LYPD1: variants seen among roughly 807,000 people sequenced by gnomAD.
LYPD1 encodes ly6/PLAUR domain-containing protein 1.
Under a neutral mutation model 14.2 loss-of-function variants are expected in LYPD1, and 14 were observed. The ratio of observed to expected loss-of-function variants is 0.99; its 90% confidence interval spans 0.65 to 1.54. The LOEUF (loss-of-function observed/expected upper bound fraction) is 1.54, where lower values mean the gene tolerates loss of function less well. LYPD1 is among the 40% of genes most tolerant of loss of function. The pLI, the probability that LYPD1 is intolerant of heterozygous loss-of-function variation, is 0.00. For synonymous variants in LYPD1, 85 were observed against 70.6 expected, an observed-to-expected ratio of 1.20 and a Z score of -1.02; for missense variants, 165 against 175.7, an observed-to-expected ratio of 0.94 and a Z score of 0.34.
intron 2 of LYPD1, among the ~76,000 whole-genome samples, chr2:132,647,001 G>A (rs1682131847): frequency 6.6e-6 from 1 of 152,228 alleles, no homozygotes; most frequent in Non-Finnish European, 1.5e-5. Context: ...CAAAGAGCAT[G>A]TGTGTCCTGT....
rs1427308735 is a variant in LYPD1 at position 132,668,472 on chromosome 2, G to A, written c.118C>T (p.Pro40Ser). 8.1e-6 allele frequency: 13 copies of A among 1,611,896 alleles called. No homozygotes were observed. Among genetic ancestry groups the A allele is most frequent in the Non-Finnish European group, 1.1e-5 (13 of 1,179,102 alleles). ...ACCGTGCAATTCACAATGAACTCGG[G>A]GGAGGAGCAGTCGTTGTTCAGCTGG... ...EFQLNNDCSS[P>S]EFIVNCTVNV... The change falls in exon 2 of 3, where the codon CCC (proline) becomes TCC (serine). Residue 40 changes from proline (P) to serine (S), a missense_variant. Physicochemically the swap from Pro to Ser is moderately conservative, Grantham distance 74 (BLOSUM62 -1). Coordinates refer to ENST00000397463, the MANE Select transcript of LYPD1 (RefSeq NM_144586.7).
At chr2:132,657,057 A>T (rs1355443826) in intron 2 of LYPD1, among the ~76,000 whole-genome samples, 4 of 152,240 alleles carry the variant, frequency 2.6e-5, no homozygotes, top group African/African-American at 9.6e-5. Flanking sequence ...TGTAACAGGG[A>T]TGCGTTAAGT....
intron 2 of LYPD1, among the ~76,000 whole-genome samples, chr2:132,648,119 T>C (rs897972401): frequency 6.6e-6 from 1 of 152,246 alleles, no homozygotes; most frequent in African/African-American, 2.4e-5. Flanking sequence ...CTTCAGGGAA[T>C]TGCCCATAGT....
intron 2 of LYPD1, among the ~76,000 whole-genome samples, chr2:132,662,639 A>T (rs1344526249): frequency 6.6e-6 from 1 of 152,182 alleles, no homozygotes; most frequent in East Asian, 1.9e-4. Flanking sequence ...TCTCTCTCAA[A>T]GGCTGTAGAT....
intron 1 of LYPD1, 93 bp from the exon 2 acceptor site, chr2:132,668,630 C>G (rs1383509810): frequency 2.0e-6 from 3 of 1,525,364 alleles, no homozygotes; most frequent in Non-Finnish European, 2.6e-6. Context: ...CAGGCGGCTC[C>G]CAGCCTCTGG....
At chr2:132,658,303 A>G (rs1303801502) in intron 2 of LYPD1, among the ~76,000 whole-genome samples, 1 of 152,234 alleles carries the variant, frequency 6.6e-6, no homozygotes, top group Non-Finnish European at 1.5e-5. Flanking sequence ...TTTATGGTTT[A>G]TGTCCCTGCT....
At position 132,644,356 on chromosome 2, in the gene LYPD1, A is replaced by T. The variant is rs1000963271; in HGVS notation, c.*1689T>A. On this transcript the variant is annotated 3_prime_UTR_variant, in exon 3 of 3. Transcript: ENST00000397463. Reference sequence around the variant, plus strand: ...CAGCACAGCTCAGTGCTGCAAAGGAAGGGAACATGTTACTGGCTGAACTAG... The same window carrying T: ...CAGCACAGCTCAGTGCTGCAAAGGATGGGAACATGTTACTGGCTGAACTAG... 6.6e-6 allele frequency among the ~76,000 whole-genome samples: 1 copy of T among 152,230 alleles called. No homozygotes were observed. The highest frequency in any genetic ancestry group is 2.4e-5 in the African/African-American group (1 of 41,472).
intron 2 of LYPD1, among the ~76,000 whole-genome samples, chr2:132,650,678 C>G (rs887293132): frequency 2.6e-5 from 4 of 151,304 alleles, no homozygotes; most frequent in Admixed American, 6.6e-5. Context: ...GAAGTTCCCT[C>G]CTTCCTTTTC....
chr2:132,646,334 T>C, intron 2 of LYPD1, 54 bp from the exon 3 acceptor site: 4 of 1,267,816 alleles, frequency 3.2e-6, no homozygotes, highest in Non-Finnish European at 4.2e-6. Context: ...AAAGAATAGC[T>C]GTCCCTCTCA....
In LYPD1 at chr2:132,670,066, G is replaced by A. The variant is rs1314795608; in HGVS notation, c.-134C>T. The A allele has an allele frequency of 1.3e-6, 2 of 1,517,098 alleles. No individual in the cohort carries two copies. The highest frequency in any genetic ancestry group is 1.8e-6 in the Non-Finnish European group (2 of 1,141,096). 94.0% of individuals were successfully genotyped at this position (1,517,098 alleles called of 1,614,324 possible). On this transcript the variant is annotated 5_prime_UTR_variant, in exon 1 of 3. The change creates a new upstream start codon in the 5' untranslated region. Transcript: ENST00000397463. This position sits in a 1 kb window ranked among gnomAD's most constrained non-coding sequence, Gnocchi z 4.5. Reference sequence around the variant, plus strand: ...CGCTGCTGCCGCGGAGACGACGGTCGTAGCTTAGAGGAGCCGCAGGTGCCG... The same window carrying A: ...CGCTGCTGCCGCGGAGACGACGGTCATAGCTTAGAGGAGCCGCAGGTGCCG...
intron 2 of LYPD1, among the ~76,000 whole-genome samples, chr2:132,658,380 A>AGGAC (rs1445968867): frequency 6.6e-6 from 1 of 152,226 alleles, no homozygotes; most frequent in Non-Finnish European, 1.5e-5. Flanking sequence ...AAGAACAGAA[A>AGGAC]GGACGGGGGC....
At chr2:132,657,326 G>T (rs2104911913) in intron 2 of LYPD1, among the ~76,000 whole-genome samples, 1 of 152,264 alleles carries the variant, frequency 6.6e-6, no homozygotes, top group African/African-American at 2.4e-5. Context: ...AGTTTGCCAT[G>T]GGGGATTGAG....
chr2:132,657,409 G>C (rs1438643688), intron 2 of LYPD1, among the ~76,000 whole-genome samples: 1 of 152,160 alleles, frequency 6.6e-6, no homozygotes, highest in Non-Finnish European at 1.5e-5. Context: ...CTGTGCTGTT[G>C]CATTTCTAAC....
chr2:132,670,229 C>G, upstream of LYPD1: 1 of 833,422 alleles, frequency 1.2e-6, no homozygotes, highest in Non-Finnish European at 1.6e-6. The surrounding 1 kb of genome is among the most constrained non-coding windows in gnomAD (Gnocchi z 4.5). Flanking sequence ...CGGGAGCACC[C>G]ACAAAAGTCT....
intron 2 of LYPD1, among the ~76,000 whole-genome samples, chr2:132,660,956 C>T (rs1334812376): frequency 6.6e-6 from 1 of 152,170 alleles, no homozygotes; most frequent in Non-Finnish European, 1.5e-5. Flanking sequence ...CTGCTTTATC[C>T]TCAAGCTTTC....
chr2:132,670,771 T>G (rs1683661521), upstream of LYPD1, among the ~76,000 whole-genome samples: 1 of 151,944 alleles, frequency 6.6e-6, no homozygotes. The surrounding 1 kb of genome is among the most constrained non-coding windows in gnomAD (Gnocchi z 4.5). Context: ...CGCGAAGGCC[T>G]TCTGTCAAGA....
At chr2:132,647,482 G>A (rs927410584) in intron 2 of LYPD1, among the ~76,000 whole-genome samples, 4 of 152,074 alleles carry the variant, frequency 2.6e-5, no homozygotes, top group Non-Finnish European at 5.9e-5. Flanking sequence ...CCAGGCGCCC[G>A]CCACCACACC....
Position 132,646,959 on chromosome 2 carries a change from A to G in LYPD1, c.191-679T>C, listed in dbSNP as rs112325596. The stretch of plus-strand genomic sequence containing the variant: ...CAATGACACACACTGGGTGCAAAAA[A>G]AAGCTTCCCAAGAAGACTAGGGGGC... On this transcript the variant is annotated intron_variant, in intron 2 of 2. Transcript: ENST00000397463. 1.9e-3 allele frequency among the ~76,000 whole-genome samples: 284 copies of G among 152,178 alleles called. 1 individual carries two copies. The highest frequency in any genetic ancestry group is 6.3e-3 in the African/African-American group (259 of 41,414).
chr2:132,648,703 A>G (rs1207718438), intron 2 of LYPD1, among the ~76,000 whole-genome samples: 1 of 152,188 alleles, frequency 6.6e-6, no homozygotes, highest in Non-Finnish European at 1.5e-5. Flanking sequence ...TTATCTTCAT[A>G]AGGAAAGTTG....
Sources: gnomAD v4.1 joint callset for allele counts (sites outside exome capture counted in the v4.1 genomes callset) on GRCh38, gnomAD v4.1.1 for gene constraint, Gnocchi (gnomAD v3.1) non-coding constraint, MANE v1.5 for transcripts, NCBI Gene and HGNC (gene_info 2026-07-23, HGNC 2026-07-21) for gene names.